Variants in CSMD1 observed in about 807,000 individuals in gnomAD.
CSMD1 encodes CUB and sushi domain-containing protein 1.
CSMD1 carries 213 observed loss-of-function variants against 417.5 expected under a neutral mutation model. The ratio of observed to expected loss-of-function variants is 0.51; its 90% CI spans 0.46 to 0.57. The LOEUF is 0.57. CSMD1 is among the 20% of genes least tolerant of loss of function. The pLI is 0.00. For missense variants in CSMD1, 6,923 were observed against 4,529.7 expected (o/e 1.53, Z -15.17); for synonymous variants, 2,862 against 1,736.8 (o/e 1.65, Z -16.11).
At chr8:2,995,883 T>C (rs1404740676) in intron 54 of CSMD1, among the ~76,000 whole-genome samples, 2 of 152,204 alleles carry the variant, frequency 1.3e-5, no homozygotes, top group African/African-American at 4.8e-5. Context: ...GGTTAATGGA[T>C]ACCAGGAATT....
intron 17 of CSMD1, 86 bp downstream of exon 17, chr8:3,396,108 A>G (rs1045084701): frequency 7.3e-5 from 85 of 1,160,232 alleles, no homozygotes; most frequent in Non-Finnish European, 1.0e-4. Flanking sequence ...TAGCACAGTC[A>G]TCTGCAGGCT....
intron 49 of CSMD1, among the ~76,000 whole-genome samples, chr8:3,061,546 C>T (rs573976784): frequency 1.3e-5 from 2 of 152,106 alleles, no homozygotes; most frequent in Non-Finnish European, 2.9e-5. Context: ...GAAGCTTAAT[C>T]CACAGTTGGC....
intron 3 of CSMD1, among the ~76,000 whole-genome samples, chr8:4,102,234 C>T (rs915610614): frequency 1.3e-5 from 2 of 152,132 alleles, no homozygotes; most frequent in East Asian, 1.9e-4. Flanking sequence ...CCTTGCCCTT[C>T]TGTAATGTTT....
chr8:3,902,814 C>T (rs867487404), intron 5 of CSMD1, among the ~76,000 whole-genome samples: 4 of 152,240 alleles, frequency 2.6e-5, no homozygotes, highest in Middle Eastern at 6.8e-3. Flanking sequence ...AATTAAATTA[C>T]ATAATGCACT....
intron 3 of CSMD1, among the ~76,000 whole-genome samples, chr8:4,089,917 G>A (rs972862615): frequency 6.6e-6 from 1 of 152,058 alleles, no homozygotes; most frequent in African/African-American, 2.4e-5. Flanking sequence ...GGAATGAACC[G>A]AGGAAAGAAT....
chr8:4,157,381 C>T (rs574147353), intron 3 of CSMD1, among the ~76,000 whole-genome samples: 1 of 152,168 alleles, frequency 6.6e-6, no homozygotes, highest in Non-Finnish European at 1.5e-5. Context: ...TTATTCACGC[C>T]AGCTCAAAGG....
chr8:3,481,684 G>A (rs527767303), intron 11 of CSMD1, among the ~76,000 whole-genome samples: 1 of 152,214 alleles, frequency 6.6e-6, no homozygotes, highest in African/African-American at 2.4e-5. Context: ...GAGGCAGAGG[G>A]AGATTTCAGG....
intron 39 of CSMD1, among the ~76,000 whole-genome samples, chr8:3,155,924 C>T (rs752266156): frequency 1.5e-4 from 23 of 152,166 alleles, no homozygotes; most frequent in Admixed American, 7.9e-4. Flanking sequence ...TACACAATTT[C>T]ACCTGCATCC....
chr8:3,935,444 G>A (rs1584994286), intron 5 of CSMD1, among the ~76,000 whole-genome samples: 1 of 152,052 alleles, frequency 6.6e-6, no homozygotes, highest in East Asian at 1.9e-4. Context: ...GAAGTTTCCT[G>A]GCAACCCGAC....
chr8:4,090,977 G>T (rs575968567), intron 3 of CSMD1, among the ~76,000 whole-genome samples: 1 of 151,088 alleles, frequency 6.6e-6, no homozygotes, highest in African/African-American at 2.4e-5. Flanking sequence ...GGAGTGCAGC[G>T]GTGCAATCCT....
At chr8:4,344,262 T>TGCACA (rs1800650225) in intron 3 of CSMD1, among the ~76,000 whole-genome samples, 1 of 152,146 alleles carries the variant, frequency 6.6e-6, no homozygotes, top group Non-Finnish European at 1.5e-5. Flanking sequence ...TTTACACGTG[T>TGCACA]TCATTCAATT....
chr8:4,474,004 G>T (rs1021470483), intron 2 of CSMD1, among the ~76,000 whole-genome samples: 1 of 152,048 alleles, frequency 6.6e-6, no homozygotes, highest in African/African-American at 2.4e-5. Flanking sequence ...ATTAATTTCA[G>T]AAAGACCCAA....
rs999500202 is a variant in CSMD1 at position 3,709,299 on chromosome 8, C to T, written c.932-808G>A. On this transcript the variant is annotated intron_variant, in intron 6 of 69. Coordinates refer to ENST00000635120, the MANE Select transcript of CSMD1 (RefSeq NM_033225.6). ...ACATTTCTGAGGTCCCCATATGAGACTGGACCTACAGCAGCTGCGAGCAGG... is the reference window on the plus strand; with the variant it reads ...ACATTTCTGAGGTCCCCATATGAGATTGGACCTACAGCAGCTGCGAGCAGG... Among the ~76,000 whole-genome samples, 2 of 152,216 alleles carry T rather than the reference C, an allele frequency of 1.3e-5. 1 individual carries two copies. The highest frequency in any genetic ancestry group is 4.1e-4 in the South Asian group (2 of 4,828).
At chr8:2,957,382 T>A (rs1159934411) in intron 63 of CSMD1, among the ~76,000 whole-genome samples, 1 of 152,166 alleles carries the variant, frequency 6.6e-6, no homozygotes, top group East Asian at 1.9e-4. Context: ...TTCATGCAGT[T>A]TCTCAGACTT....
intron 5 of CSMD1, among the ~76,000 whole-genome samples, chr8:3,952,699 A>T (rs1214982037): frequency 2.0e-5 from 3 of 152,220 alleles, no homozygotes; most frequent in Non-Finnish European, 4.4e-5. Context: ...CAGCATTGTG[A>T]ATACACTAGA....
At chr8:3,055,302 A>G (rs749603570) in intron 49 of CSMD1, among the ~76,000 whole-genome samples, 8 of 152,178 alleles carry the variant, frequency 5.3e-5, no homozygotes, top group Non-Finnish European at 1.0e-4. Context: ...AACCCATTTT[A>G]TGTTGCCTGA....
chr8:3,872,646 A>G (rs1294016636), intron 5 of CSMD1, among the ~76,000 whole-genome samples: 1 of 152,120 alleles, frequency 6.6e-6, no homozygotes, highest in East Asian at 1.9e-4. Context: ...CTCTTAATTT[A>G]TTAATGAGTT....
At chr8:3,248,731 A>G (rs1317191540) in intron 26 of CSMD1, among the ~76,000 whole-genome samples, 1 of 152,000 alleles carries the variant, frequency 6.6e-6, no homozygotes, top group East Asian at 1.9e-4. Flanking sequence ...AACAGCTTTG[A>G]CTAACACGTT....
intron 26 of CSMD1, among the ~76,000 whole-genome samples, chr8:3,261,291 C>A (rs1426614597): frequency 1.3e-5 from 2 of 152,178 alleles, no homozygotes; most frequent in South Asian, 4.1e-4. Context: ...TACAGCCATT[C>A]TGGAAAATTA....
Sources: allele counts gnomAD v4.1 joint callset (sites outside exome capture counted in the v4.1 genomes callset), GRCh38; gene constraint gnomAD v4.1.1; transcripts MANE v1.5; gene names NCBI Gene and HGNC (gene_info 2026-07-23, HGNC 2026-07-21).